VIL1: variants seen among roughly 807,000 people sequenced by gnomAD.
VIL1 encodes the protein villin-1.
A neutral mutation model predicts 104.0 loss-of-function variants in VIL1; 86 were observed. The ratio of observed to expected loss-of-function variants is 0.83; its 90% CI spans 0.69 to 0.99. The LOEUF (loss-of-function observed/expected upper bound fraction) is 0.99. Among genes scored for constraint, VIL1 ranks in the 50% least tolerant of loss-of-function variants. The pLI is 0.00. For missense variants in VIL1, 944 were observed against 1,054.1 expected (o/e 0.90, Z 1.45); for synonymous variants, 394 against 412.6 (o/e 0.95, Z 0.55).
rs182183587 is a variant in VIL1 at position 218,452,519 on chromosome 2, C to A, written c.*3183C>A. The A allele has an allele frequency of 6.6e-6, 1 of 152,088 alleles. No individual in the cohort carries two copies. Among genetic ancestry groups the A allele is most frequent in the Non-Finnish European group, 1.5e-5 (1 of 68,020 alleles). The allele number at this position is 152,088 out of a possible 1,614,324, so 9.4% of individuals were successfully genotyped here. On this transcript the variant is annotated 3_prime_UTR_variant, in exon 20 of 20. Coordinates refer to ENST00000248444, the MANE Select transcript of VIL1 (RefSeq NM_007127.3). ...AGGAAGGAGAAGGCTGATAGGGCCA[C>A]AAGAATGGACAGACATCAAGTAAAA...
intron 4 of VIL1, 136 bp from the exon 5 acceptor site, chr2:218,427,829 C>A: frequency 1.3e-6 from 1 of 756,284 alleles, no homozygotes; most frequent in Non-Finnish European, 2.2e-6. Flanking sequence ...AGTTTGCGCC[C>A]TCAGCACCTC....
intron 19 of VIL1, among the ~76,000 whole-genome samples, chr2:218,444,124 C>T (rs1689326768): frequency 6.6e-6 from 1 of 152,072 alleles, no homozygotes; most frequent in South Asian, 2.1e-4. Flanking sequence ...CGCCACCATA[C>T]CCGGCTAATT....
At chr2:218,426,746 T>C (rs972368421) in intron 4 of VIL1, among the ~76,000 whole-genome samples, 10 of 151,986 alleles carry the variant, frequency 6.6e-5, no homozygotes, top group African/African-American at 1.2e-4. Context: ...GGACTACAGG[T>C]GCCCACCACC....
rs1689424957 is a variant in VIL1 at position 218,449,260 on chromosome 2, G to A, written c.2408G>A (p.Gly803Glu). The A allele has an allele frequency of 6.2e-7, 1 of 1,613,972 alleles. No homozygotes were observed. The change falls in exon 20 of 20, where the codon GGG becomes GAG. Residue 803 changes from glycine to glutamate, a missense_variant. Coordinates refer to ENST00000248444, the MANE Select transcript of VIL1 (RefSeq NM_007127.3). ...LSIEDFTQAF[G>E]MTPAAFSALP... ...ATTGAAGATTTCACTCAGGCCTTTGGGATGACTCCAGCTGCCTTCTCTGCT... is the reference window on the plus strand; with the variant it reads ...ATTGAAGATTTCACTCAGGCCTTTGAGATGACTCCAGCTGCCTTCTCTGCT...
At position 218,452,212 on chromosome 2, in the gene VIL1, C is replaced by T. The variant is rs1290822444; in HGVS notation, c.*2876C>T. ...TTCAATGTCATTTAAAGTAATGTAA[C>T]CACACATTTGGTATTTTCAATAGGA... On this transcript the variant is annotated 3_prime_UTR_variant, in exon 20 of 20. Transcript: ENST00000248444. 1 of 152,036 alleles carries T rather than the reference C, an allele frequency of 6.6e-6. No individual in the cohort carries two copies. Among genetic ancestry groups the T allele is most frequent in the Non-Finnish European group, 1.5e-5 (1 of 68,020 alleles). 9.4% of individuals were successfully genotyped at this position (152,036 alleles called of 1,614,324 possible).
intron 4 of VIL1, among the ~76,000 whole-genome samples, chr2:218,427,616 G>A (rs894156272): frequency 3.3e-5 from 5 of 152,154 alleles, no homozygotes; most frequent in South Asian, 2.1e-4. Context: ...GTGAGTCACC[G>A]CACCTGGCCT....
At position 218,432,811 on chromosome 2, in the gene VIL1, G is replaced by T; in HGVS notation, c.1360G>T (p.Asp454Tyr). The change falls in exon 13 of 20, where the codon GAT becomes TAT. Residue 454 changes from aspartate (D) to tyrosine (Y), a missense_variant. Physicochemically the swap from Asp to Tyr is radical, Grantham distance 160 (BLOSUM62 -3). Transcript: ENST00000248444. ...TCCCCAGGGCAGCCAGGCCAGCCAA[G>T]ATGAAATTACAGCATCAGCTTATCA... The part of the protein sequence containing the change: ...YVWQGSQASQ[D>Y]EITASAYQAV... The T allele has an allele frequency of 1.9e-6, 3 of 1,614,144 alleles. No individual in the cohort carries two copies. Among genetic ancestry groups the T allele is most frequent in the Non-Finnish European group, 2.5e-6 (3 of 1,180,030 alleles).
In VIL1 at chr2:218,437,309, G is replaced by T; in HGVS notation, c.2157G>T (p.Trp719Cys). The T allele has an allele frequency of 2.5e-6, 4 of 1,613,484 alleles. No individual in the cohort carries two copies. Among genetic ancestry groups the T allele is most frequent in the Non-Finnish European group, 3.4e-6 (4 of 1,179,788 alleles). ...TCCTGGCTTGGGATCCCTTCAAGTG[G>T]AGTGTGAGTGGCCTCATCCCAGCAT... Reference protein sequence around the residue: ...GWFLAWDPFKWSNTKSYEDLK... With the variant: ...GWFLAWDPFKCSNTKSYEDLK... The change falls in exon 17 of 20, where the codon TGG becomes TGT. Residue 719 changes from tryptophan (W) to cysteine (C), a missense_variant. Physicochemically the swap from Trp to Cys is radical, Grantham distance 215 (BLOSUM62 -2). Coordinates refer to ENST00000248444, the MANE Select transcript of VIL1 (RefSeq NM_007127.3).
chr2:218,446,964 A>G (rs1689373768), intron 19 of VIL1, among the ~76,000 whole-genome samples: 1 of 151,898 alleles, frequency 6.6e-6, no homozygotes, highest in Admixed American at 6.6e-5. Flanking sequence ...GGGTTTCACC[A>G]TGTTGGTCAG....
At chr2:218,448,391 C>T (rs1689402604) in intron 19 of VIL1, among the ~76,000 whole-genome samples, 2 of 151,868 alleles carry the variant, frequency 1.3e-5, no homozygotes, top group African/African-American at 4.8e-5. Context: ...AAGGCAAAAC[C>T]TCATCTCTAC....
chr2:218,433,460 G>C (rs928318027), intron 13 of VIL1, among the ~76,000 whole-genome samples: 1 of 151,768 alleles, frequency 6.6e-6, no homozygotes, highest in Non-Finnish European at 1.5e-5. Context: ...AAAAAATGCC[G>C]GTTGCGGTGG....
chr2:218,434,651 C>T lies in VIL1; in HGVS notation c.1626C>T (p.Ser542=). 2 of 1,614,184 alleles carry T rather than the reference C, an allele frequency of 1.2e-6. No individual in the cohort carries two copies. Among genetic ancestry groups the T allele is most frequent in the Non-Finnish European group, 1.7e-6 (2 of 1,180,026 alleles). Residue 542 remains serine (S), a synonymous_variant, in exon 14 of 20, where the codon TCC becomes TCT. Coordinates refer to ENST00000248444, the MANE Select transcript of VIL1 (RefSeq NM_007127.3). ...EVPARANFLN[S]NDVFVLKTQS... ...CAGCGCGGGCCAATTTCCTCAATTC[C>T]AATGATGTCTTTGTCCTCAAGACCC...
In VIL1 at chr2:218,429,632, A is replaced by C; in HGVS notation, c.806A>C (p.Glu269Ala). Residue 269 changes from glutamate to alanine, a missense_variant, in exon 8 of 20, where the codon GAA becomes GCA. Glu to Ala is a moderately radical substitution (Grantham distance 107). Coordinates refer to ENST00000248444, the MANE Select transcript of VIL1 (RefSeq NM_007127.3). Reference sequence around the variant, plus strand: ...TCCGAGGGGAATCTGGTGGTGAGGGAAGTCGCCACACGGCCACTGACACAG... The same window carrying C: ...TCCGAGGGGAATCTGGTGGTGAGGGCAGTCGCCACACGGCCACTGACACAG... ...SDSEGNLVVREVATRPLTQDL... is the reference protein window; with the variant it reads ...SDSEGNLVVRAVATRPLTQDL... 1 of 1,614,034 alleles carries C rather than the reference A, an allele frequency of 6.2e-7. No homozygotes were observed. The highest frequency in any genetic ancestry group is 8.5e-7 in the Non-Finnish European group (1 of 1,180,016).
chr2:218,429,363 G>T lies in VIL1; in HGVS notation c.646G>T (p.Glu216Ter). The T allele has an allele frequency of 1.2e-6, 2 of 1,614,166 alleles. No individual in the cohort carries two copies. Among genetic ancestry groups the T allele is most frequent in the East Asian group, 4.5e-5 (2 of 44,876 alleles). The change falls in exon 7 of 20, where the codon GAA becomes TAA. Residue 216 changes from glutamate to a stop codon, truncating the protein, a stop_gained. Transcript: ENST00000248444. LOFTEE classifies it high-confidence loss of function. ...TGTAGGCGTGGTGGACGGAGAGAATGAATTGGCATCCCCGAAGCTGATGGA... is the reference window on the plus strand; with the variant it reads ...TGTAGGCGTGGTGGACGGAGAGAATTAATTGGCATCCCCGAAGCTGATGGA... ...TYVGVVDGEN[E>*]LASPKLMEVM...
chr2:218,447,060 G>A (rs560152924), intron 19 of VIL1, among the ~76,000 whole-genome samples: 5 of 152,254 alleles, frequency 3.3e-5, no homozygotes, highest in East Asian at 3.9e-4. Flanking sequence ...CAACGCGCCC[G>A]GCCTGACTTT....
rs1375469483 is a variant in VIL1 at position 218,428,352 on chromosome 2, G to A, written c.567+15G>A. 1.2e-6 allele frequency: 2 copies of A among 1,605,498 alleles called. No homozygotes were observed. Among genetic ancestry groups the A allele is most frequent in the South Asian group, 2.2e-5 (2 of 90,950 alleles). ...AGAGACTCAGGGTAAACCTGCCCAT[G>A]CACCACACCTCCCTCTCGAATCCTA... On this transcript the variant is annotated intron_variant, in intron 6 of 19. Transcript: ENST00000248444.
Position 218,449,288 on chromosome 2 carries a change from G to A in VIL1, c.2436G>A (p.Leu812=). ...TGACTCCAGCTGCCTTCTCTGCTCT[G>A]CCTCGATGGAAGCAACAAAACCTCA... ...FGMTPAAFSA[L]PRWKQQNLKK... The change falls in exon 20 of 20, where the codon CTG becomes CTA. Residue 812 remains leucine, a synonymous_variant. Transcript: ENST00000248444. The A allele has an allele frequency of 6.2e-7, 1 of 1,614,026 alleles. No homozygotes were observed. The highest frequency in any genetic ancestry group is 1.1e-5 in the South Asian group (1 of 91,078).
rs560207586 is a variant in VIL1, at chr2:218,432,194, G to A, written c.1341+11G>A. Reference sequence around the variant, plus strand: ...CTCTACGTTTGGCAGGTCAGGTCCCGCCACGTCCCACCCAGAGCACAGCCG... The same window carrying A: ...CTCTACGTTTGGCAGGTCAGGTCCCACCACGTCCCACCCAGAGCACAGCCG... On this transcript the variant is annotated intron_variant, in intron 12 of 19. Transcript: ENST00000248444. 73 of 1,609,006 alleles carry A rather than the reference G, an allele frequency of 4.5e-5. No individual in the cohort carries two copies. Among genetic ancestry groups the A allele is most frequent in the Non-Finnish European group, 5.9e-5 (70 of 1,178,740 alleles).
At chr2:218,446,168 G>A (rs941481965) in intron 19 of VIL1, among the ~76,000 whole-genome samples, 1 of 152,264 alleles carries the variant, frequency 6.6e-6, no homozygotes, top group East Asian at 1.9e-4. Context: ...AGCAAAACCT[G>A]CTCCTACAAA....
Sources: allele counts gnomAD v4.1 joint callset (sites outside exome capture counted in the v4.1 genomes callset), GRCh38; gene constraint gnomAD v4.1.1; transcripts MANE v1.5; gene names NCBI Gene and HGNC (gene_info 2026-07-23, HGNC 2026-07-21).